Variants in GRIP1 observed in about 807,000 individuals in gnomAD.
GRIP1 encodes the protein glutamate receptor interacting protein 1.
GRIP1 carries 45 observed loss-of-function variants against 129.9 expected under a neutral mutation model. That is an observed-to-expected ratio of 0.35 (90% confidence interval 0.27 to 0.44). GRIP1 has a LOEUF of 0.44. GRIP1 is among the 20% of genes least tolerant of loss of function. The pLI is 1.00. For missense variants in GRIP1, 1,196 were observed against 1,396.8 expected, an observed-to-expected ratio of 0.86 and a Z score of 2.29; for synonymous variants, 530 against 520.8, an observed-to-expected ratio of 1.02 and a Z score of -0.24.
intron 1 of GRIP1, among the ~76,000 whole-genome samples, chr12:66,622,278 G>A (rs1276890079): frequency 1.3e-5 from 2 of 151,974 alleles, no homozygotes; most frequent in East Asian, 1.9e-4. Context: ...ACAATGTGAT[G>A]GAGGAGGGAG....
intron 1 of GRIP1, among the ~76,000 whole-genome samples, chr12:66,839,592 G>A (rs945277626): frequency 1.3e-5 from 2 of 152,140 alleles, no homozygotes; most frequent in Non-Finnish European, 2.9e-5. Context: ...CGGCAGCTGT[G>A]TAGCATGAAA....
At chr12:67,062,628 G>A (rs1023193152) in intron 1 of GRIP1, among the ~76,000 whole-genome samples, 1 of 151,802 alleles carries the variant, frequency 6.6e-6, no homozygotes, top group Admixed American at 6.6e-5. Context: ...AGAGTTATCT[G>A]TCATAGCCCA....
At chr12:66,361,238 T>C (rs2054746764) in intron 23 of GRIP1, among the ~76,000 whole-genome samples, 1 of 152,178 alleles carries the variant, frequency 6.6e-6, no homozygotes, top group Admixed American at 6.5e-5. Context: ...GGGAGTCTTC[T>C]TGGCTGAGGA....
chr12:66,858,804 G>C (rs1225833764), intron 1 of GRIP1, among the ~76,000 whole-genome samples: 1 of 151,724 alleles, frequency 6.6e-6, no homozygotes, highest in East Asian at 1.9e-4. Context: ...GGGGGGAGAG[G>C]GGGATATGAG....
intron 1 of GRIP1, among the ~76,000 whole-genome samples, chr12:66,737,548 C>G (rs2036646003): frequency 6.6e-6 from 1 of 152,138 alleles, no homozygotes; most frequent in Non-Finnish European, 1.5e-5. Flanking sequence ...TCCCAAAGTG[C>G]TAGGATTACA....
chr12:66,681,623 A>G (rs2034587473), upstream of GRIP1, among the ~76,000 whole-genome samples: 1 of 152,136 alleles, frequency 6.6e-6, no homozygotes. Flanking sequence ...AGACAGTTCA[A>G]ACTTTACAAC....
At chr12:66,913,482 G>C (rs2041067069) in intron 1 of GRIP1, among the ~76,000 whole-genome samples, 1 of 152,066 alleles carries the variant, frequency 6.6e-6, no homozygotes, top group South Asian at 2.1e-4. Flanking sequence ...GTTTTCAGCA[G>C]CAATAATGCA....
intron 1 of GRIP1, among the ~76,000 whole-genome samples, chr12:67,030,903 C>G (rs971500357): frequency 2.0e-5 from 3 of 152,016 alleles, no homozygotes; most frequent in African/African-American, 7.2e-5. Context: ...AAAATTTCTT[C>G]CTGTCATTTT....
chr12:66,901,867 T>C (rs1371070983), intron 1 of GRIP1, among the ~76,000 whole-genome samples: 4 of 152,202 alleles, frequency 2.6e-5, no homozygotes, highest in East Asian at 1.9e-4. Flanking sequence ...TGTTCCACAA[T>C]TGTATTGTAA....
Position 66,759,190 on chromosome 12 carries a change from A to G in GRIP1, c.-420+44863T>C, listed in dbSNP as rs578125649. ...TCTAGGCGGAGGTTCCCAAAACTCA[A>G]ATTTTGACTTCTGTGCACCCACAGG... On this transcript the variant is annotated intron_variant, in intron 1 of 4. Transcript: ENST00000538373. Among the ~76,000 whole-genome samples, 104 of 152,312 alleles carry G rather than the reference A, an allele frequency of 6.8e-4. 1 individual carries two copies. The highest frequency in any genetic ancestry group is 5.0e-4 in the Non-Finnish European group (34 of 68,026).
At chr12:66,665,167 C>A (rs996755212) in intron 1 of GRIP1, among the ~76,000 whole-genome samples, 1 of 152,154 alleles carries the variant, frequency 6.6e-6, no homozygotes, top group African/African-American at 2.4e-5. Flanking sequence ...ACCACCACAT[C>A]TGGCTAATTT....
At chr12:66,746,443 T>C (rs1235190726) in intron 1 of GRIP1, among the ~76,000 whole-genome samples, 1 of 152,188 alleles carries the variant, frequency 6.6e-6, no homozygotes, top group Non-Finnish European at 1.5e-5. Context: ...CTGCAGTTCA[T>C]TAAGAGCCCT....
chr12:67,008,107 T>C (rs1400061780), intron 1 of GRIP1, among the ~76,000 whole-genome samples: 1 of 152,174 alleles, frequency 6.6e-6, no homozygotes, highest in East Asian at 1.9e-4. Flanking sequence ...ATTTAAACTT[T>C]TCTTTTTGAC....
At chr12:66,845,883 C>T (rs1334466171) in intron 1 of GRIP1, among the ~76,000 whole-genome samples, 1 of 152,124 alleles carries the variant, frequency 6.6e-6, no homozygotes, top group Non-Finnish European at 1.5e-5. Context: ...ACCAGTCCTT[C>T]GAGGGTGGAA....
In GRIP1 at chr12:66,550,737, A is replaced by G. The variant is rs189694900; in HGVS notation, c.137-8787T>C. 3.9e-5 allele frequency among the ~76,000 whole-genome samples: 6 copies of G among 152,332 alleles called. No homozygotes were observed. In the East Asian group the frequency reaches 1.2e-3, roughly 29 times the overall value. On this transcript the variant is annotated intron_variant, in intron 2 of 24. Coordinates refer to ENST00000359742, the MANE Select transcript of GRIP1 (RefSeq NM_001366722.1). ...AGAATAGCAAACAGCACCCACATCT[A>G]TCAGTCACGTATTCCTACACAATCA...
chr12:66,420,773 T>C lies in GRIP1; in HGVS notation c.1785A>G (p.Lys595=). The C allele has an allele frequency of 6.3e-7, 1 of 1,576,190 alleles. No individual in the cohort carries two copies. Among genetic ancestry groups the C allele is most frequent in the Non-Finnish European group, 8.7e-7 (1 of 1,145,294 alleles). Residue 595 remains lysine, a synonymous_variant, in exon 15 of 25, where the codon AAA becomes AAG. Coordinates refer to ENST00000359742, the MANE Select transcript of GRIP1 (RefSeq NM_001366722.1). ...CTGAAATGACGAGGGGGTCTCCTGGTTTTCTACTGGATGGTGCTGTAATAA... is the reference window on the plus strand; with the variant it reads ...CTGAAATGACGAGGGGGTCTCCTGGCTTTCTACTGGATGGTGCTGTAATAA... ...GITISSPSSR[K]PGDPLVISDI...
At chr12:66,461,426 A>T (rs2059132927) in intron 9 of GRIP1, among the ~76,000 whole-genome samples, 1 of 152,196 alleles carries the variant, frequency 6.6e-6, no homozygotes, top group South Asian at 2.1e-4. Context: ...CAGCTTCAGA[A>T]ATCTCTCCTC....
At chr12:66,351,735 G>A (rs1239391573) in intron 24 of GRIP1, among the ~76,000 whole-genome samples, 2 of 152,080 alleles carry the variant, frequency 1.3e-5, no homozygotes, top group African/African-American at 4.8e-5. Flanking sequence ...AAGGAGGTTG[G>A]GTGGTGTCTG....
chr12:66,663,410 T>C (rs554164066), intron 1 of GRIP1, among the ~76,000 whole-genome samples: 5 of 152,336 alleles, frequency 3.3e-5, no homozygotes, highest in Non-Finnish European at 7.3e-5. Flanking sequence ...GAAGGTCATC[T>C]ACCTCTTTCA....
Sources: gnomAD v4.1 joint callset for allele counts (sites outside exome capture counted in the v4.1 genomes callset) on GRCh38, gnomAD v4.1.1 for gene constraint, MANE v1.5 for transcripts, NCBI Gene and HGNC (gene_info 2026-07-23, HGNC 2026-07-21) for gene names.